SLC36A4: variants seen among roughly 807,000 people sequenced by gnomAD.
SLC36A4 encodes solute carrier family 36 member 4, also known as neutral amino acid uniporter 4.
A neutral mutation model predicts 50.5 loss-of-function variants in SLC36A4; 49 were observed. That is an observed-to-expected ratio of 0.97 (90% CI 0.77 to 1.23). The LOEUF is 1.23. Among genes scored for constraint, SLC36A4 ranks in the 50% most tolerant of loss-of-function variants. The probability of loss-of-function intolerance (pLI) is 0.00; values close to 1 mark genes in which losing one functional copy is unlikely to be tolerated. For synonymous variants in SLC36A4, 207 were observed against 206.5 expected (o/e 1.00, Z -0.02); for missense variants, 611 against 608.4 (o/e 1.00, Z -0.05).
At chr11:93,159,525 T>C (rs1339917975) in intron 9 of SLC36A4, among the ~76,000 whole-genome samples, 7 of 152,164 alleles carry the variant, frequency 4.6e-5, no homozygotes, top group Admixed American at 3.9e-4. Context: ...GCTGAGAATC[T>C]TGAGGATTTA....
Position 93,197,783 on chromosome 11 carries a change from TCCTCGCG to T in SLC36A4, c.43_49del (p.Arg15SerfsTer2). 2 of 1,586,840 alleles carry T rather than the reference TCCTCGCG, an allele frequency of 1.3e-6. No homozygotes were observed. Among genetic ancestry groups the T allele is most frequent in the Non-Finnish European group, 1.7e-6 (2 of 1,173,630 alleles). On this transcript the variant is annotated frameshift_variant, in exon 1 of 11. Transcript: ENST00000326402. LOFTEE classifies it high-confidence loss of function. ...TGCCCACGCACAACACCGACCTAGC[TCCTCGCG>T]CCTCGCCGCCCCGGCAGCCGCCGGC... is the stretch of plus-strand genomic sequence containing the variant.
chr11:93,173,857 G>GTA (rs1469237315), intron 6 of SLC36A4, among the ~76,000 whole-genome samples: 1 of 135,004 alleles, frequency 7.4e-6, no homozygotes, highest in African/African-American at 2.8e-5. Flanking sequence ...TAGCCTTGTA[G>GTA]TATAGTTTGA....
intron 6 of SLC36A4, among the ~76,000 whole-genome samples, chr11:93,179,867 C>T (rs756341801): frequency 2.2e-4 from 34 of 152,130 alleles, no homozygotes; most frequent in Non-Finnish European, 7.4e-5. Context: ...ACAACAGAGA[C>T]CATATGGCCT....
At chr11:93,186,281 T>C (rs529412690) in intron 1 of SLC36A4, among the ~76,000 whole-genome samples, 1 of 152,342 alleles carries the variant, frequency 6.6e-6, no homozygotes, top group African/African-American at 2.4e-5. Flanking sequence ...TTTATCAGTG[T>C]GTATTTCCTG....
intron 1 of SLC36A4, among the ~76,000 whole-genome samples, chr11:93,189,647 G>T (rs1407103522): frequency 1.3e-5 from 2 of 152,144 alleles, no homozygotes; most frequent in African/African-American, 4.8e-5. Flanking sequence ...CTGTCAGGGA[G>T]TGTGCAGTAT....
At chr11:93,162,664 T>C (rs1231967762) in intron 9 of SLC36A4, 42 bp downstream of exon 9, 1 of 1,451,360 alleles carries the variant, frequency 6.9e-7, no homozygotes, top group East Asian at 2.3e-5. Flanking sequence ...TGGTACATTA[T>C]AAAATATATA....
chr11:93,146,245 AAAAATT>A lies in SLC36A4; in HGVS notation c.*2286_*2291del, dbSNP rs1326980401. 1.3e-5 allele frequency: 2 copies of A among 152,062 alleles called. No individual in the cohort carries two copies. The highest frequency in any genetic ancestry group is 2.9e-5 in the Non-Finnish European group (2 of 67,966). 9.4% of individuals were successfully genotyped at this position (152,062 alleles called of 1,614,324 possible). A position where few individuals can be genotyped will look rare whatever the true frequency, so the allele number is the denominator to read the frequency against. ...GAAAATAAACAATGGGCCAAAGTGT[AAAAATT>A]AAATAACATACATAGACTAGAAATA... On this transcript the variant is annotated 3_prime_UTR_variant, in exon 11 of 11. Coordinates refer to ENST00000326402, the MANE Select transcript of SLC36A4 (RefSeq NM_152313.4).
At chr11:93,194,370 C>T (rs1170918518) in intron 1 of SLC36A4, among the ~76,000 whole-genome samples, 3 of 82,602 alleles carry the variant, frequency 3.6e-5, no homozygotes, top group South Asian at 4.9e-4. Context: ...TATTGTCACC[C>T]GAATAAAGTA....
chr11:93,185,987 T>G (rs1861969067), intron 1 of SLC36A4, among the ~76,000 whole-genome samples, 173 bp from the exon 2 acceptor site: 1 of 152,208 alleles, frequency 6.6e-6, no homozygotes, highest in African/African-American at 2.4e-5. Flanking sequence ...AAGAAACAAC[T>G]AAATTTATTT....
chr11:93,171,670 C>T (rs1861140357), intron 6 of SLC36A4: 2 of 151,930 alleles, frequency 1.3e-5, no homozygotes, highest in Admixed American at 1.3e-4. Context: ...CAAATAGATA[C>T]AGTACTACCA....
At chr11:93,165,157 T>C (rs1052986186) in intron 8 of SLC36A4, among the ~76,000 whole-genome samples, 9 of 152,156 alleles carry the variant, frequency 5.9e-5, no homozygotes, top group Non-Finnish European at 1.0e-4. Context: ...TTATTTTAGA[T>C]CTATTTTGTC....
chr11:93,151,680 T>C lies in SLC36A4; in HGVS notation c.1207+2428A>G, dbSNP rs558372486. Among the ~76,000 whole-genome samples the C allele has an allele frequency of 3.3e-5, 5 of 152,200 alleles. No homozygotes were observed. In the South Asian group the frequency reaches 1.0e-3, roughly 32 times the overall value. ...AAAGATTTATAGGTTTTGATACTTATAAAGTCATAGTCTACTATAGATTAT... is the reference window on the plus strand; with the variant it reads ...AAAGATTTATAGGTTTTGATACTTACAAAGTCATAGTCTACTATAGATTAT... On this transcript the variant is annotated intron_variant, in intron 10 of 10. Coordinates refer to ENST00000326402, the MANE Select transcript of SLC36A4 (RefSeq NM_152313.4).
At chr11:93,149,985 C>A (rs1860005053) in intron 10 of SLC36A4, among the ~76,000 whole-genome samples, 1 of 151,992 alleles carries the variant, frequency 6.6e-6, no homozygotes, top group Admixed American at 6.6e-5. Context: ...AAAAATAGTA[C>A]TCCACTATTG....
At chr11:93,157,485 G>A (rs1033868312) in intron 9 of SLC36A4, among the ~76,000 whole-genome samples, 1 of 152,158 alleles carries the variant, frequency 6.6e-6, no homozygotes, top group Non-Finnish European at 1.5e-5. Context: ...AGCATGGAAT[G>A]TTTTTCCATT....
intron 6 of SLC36A4, among the ~76,000 whole-genome samples, chr11:93,178,914 T>C (rs1419196342): frequency 6.6e-6 from 1 of 152,188 alleles, no homozygotes; most frequent in Admixed American, 6.5e-5. Flanking sequence ...CTGTCCCTGT[T>C]TGTTGATGAT....
At chr11:93,186,678 T>C (rs1259932635) in intron 1 of SLC36A4, among the ~76,000 whole-genome samples, 3 of 152,228 alleles carry the variant, frequency 2.0e-5, no homozygotes, top group African/African-American at 7.2e-5. Context: ...ACAATACATA[T>C]GATGTTTTTC....
At chr11:93,184,844 T>C (rs1404195465) in intron 2 of SLC36A4, among the ~76,000 whole-genome samples, 4 of 152,232 alleles carry the variant, frequency 2.6e-5, no homozygotes, top group Admixed American at 6.5e-5. Context: ...GCAATAAATT[T>C]TTTTTAAAAA....
At chr11:93,171,305 C>T (rs1861121813) in intron 6 of SLC36A4, 2 of 152,044 alleles carry the variant, frequency 1.3e-5, no homozygotes, top group African/African-American at 2.4e-5. Context: ...GAGAAAGTCA[C>T]CAATTCTAAG....
At chr11:93,176,169 T>C (rs1156371464) in intron 6 of SLC36A4, among the ~76,000 whole-genome samples, 1 of 151,986 alleles carries the variant, frequency 6.6e-6, no homozygotes, top group Non-Finnish European at 1.5e-5. Flanking sequence ...TAGTTAGCTC[T>C]TCTTGTTGAA....
Sources: allele counts gnomAD v4.1 joint callset (sites outside exome capture counted in the v4.1 genomes callset), GRCh38; gene constraint gnomAD v4.1.1; transcripts MANE v1.5; gene names NCBI Gene and HGNC (gene_info 2026-07-23, HGNC 2026-07-21).